Variants in SLC22A24 observed in about 807,000 individuals in gnomAD.
The protein encoded by SLC22A24 is steroid transmembrane transporter SLC22A24.
A neutral mutation model predicts 49.8 loss-of-function variants in SLC22A24; 53 were observed. The ratio of observed to expected loss-of-function variants is 1.06; its 90% CI spans 0.85 to 1.34. The LOEUF is 1.34. SLC22A24 is among the 40% of genes most tolerant of loss of function. The pLI, the probability that SLC22A24 is intolerant of heterozygous loss-of-function variation, is 0.00. For missense variants in SLC22A24, 786 were observed against 675.9 expected (o/e 1.16, Z -1.81); for synonymous variants, 302 against 256.4 (o/e 1.18, Z -1.70).
intron 2 of SLC22A24, among the ~76,000 whole-genome samples, chr11:63,134,320 G>A (rs1362222461): frequency 1.3e-5 from 2 of 152,114 alleles, no homozygotes; most frequent in Non-Finnish European, 2.9e-5. Context: ...AGCACCTCCT[G>A]CCTCAAACAC....
chr11:63,118,884 A>C, intron 4 of SLC22A24, 28 bp downstream of exon 4: 2 of 1,551,536 alleles, frequency 1.3e-6, no homozygotes, highest in South Asian at 2.4e-5. Context: ...CCTCGCTTAC[A>C]GGCAAAGAAT....
intron 4 of SLC22A24, among the ~76,000 whole-genome samples, chr11:63,105,263 G>T (rs764245905): frequency 6.6e-6 from 1 of 152,074 alleles, no homozygotes; most frequent in Non-Finnish European, 1.5e-5. Flanking sequence ...GCAAGCTGTT[G>T]GTGGATCTAC....
intron 4 of SLC22A24, chr11:63,118,625 G>A (rs1317697009): frequency 1.3e-5 from 7 of 555,320 alleles, no homozygotes; most frequent in East Asian, 8.5e-5. Context: ...TATTCCAAAA[G>A]TTAGATAAAT....
rs1204871103 is a variant in SLC22A24 at position 63,143,959 on chromosome 11, AC to A, written c.-181del. Reference sequence around the variant, plus strand: ...ACTACTGCAGAAGAGCAGTGGAAGGACTTTCCCCAAGTCCTTTAACTTTAGG... The same window carrying A: ...ACTACTGCAGAAGAGCAGTGGAAGGATTTCCCCAAGTCCTTTAACTTTAGG... On this transcript the variant is annotated 5_prime_UTR_variant, in exon 1 of 10. Coordinates refer to ENST00000612278, the MANE Select transcript of SLC22A24 (RefSeq NM_001136506.2). 61 of 433,888 alleles carry A rather than the reference AC, an allele frequency of 1.4e-4. No individual in the cohort carries two copies. In the East Asian group the frequency reaches 1.9e-3, roughly 13 times the overall value. 26.9% of individuals were successfully genotyped at this position (433,888 alleles called of 1,614,324 possible).
At chr11:63,141,403 C>A (rs867285814) in intron 1 of SLC22A24, among the ~76,000 whole-genome samples, 2 of 152,262 alleles carry the variant, frequency 1.3e-5, no homozygotes, top group South Asian at 2.1e-4. Flanking sequence ...GGAAAGCTAA[C>A]CCCCCTCCAT....
At chr11:63,080,520 C>T (rs906760817) in intron 9 of SLC22A24, among the ~76,000 whole-genome samples, 1 of 152,156 alleles carries the variant, frequency 6.6e-6, no homozygotes, top group African/African-American at 2.4e-5. Context: ...TTCCCTTTCC[C>T]ACCACATAAC....
At chr11:63,087,023 C>CAT (rs796415747) in intron 6 of SLC22A24, among the ~76,000 whole-genome samples, 393 of 26,422 alleles carry the variant, frequency 0.015, 2 homozygotes, top group African/African-American at 0.033. Flanking sequence ...GCCTGGAGGG[C>CAT]GCACACACAC....
chr11:63,080,562 C>T (rs546571739), intron 9 of SLC22A24, among the ~76,000 whole-genome samples: 2 of 152,252 alleles, frequency 1.3e-5, no homozygotes, highest in Admixed American at 6.5e-5. Flanking sequence ...GTGATAAAAC[C>T]AGGGGATGAG....
At chr11:63,125,461 T>C (rs2087283433) in intron 2 of SLC22A24, among the ~76,000 whole-genome samples, 1 of 152,190 alleles carries the variant, frequency 6.6e-6, no homozygotes, top group Non-Finnish European at 1.5e-5. Context: ...TCTAGCTTCA[T>C]CCATGTCTCT....
At chr11:63,090,906 C>G (rs559026485) in intron 6 of SLC22A24, among the ~76,000 whole-genome samples, 1 of 151,930 alleles carries the variant, frequency 6.6e-6, no homozygotes, top group African/African-American at 2.4e-5. Flanking sequence ...CAAAAGCTAG[C>G]AGAAGACAAG....
At chr11:63,092,391 G>GA (rs140073915) in intron 6 of SLC22A24, among the ~76,000 whole-genome samples, 71,730 of 144,524 alleles carry the variant, frequency 0.5, 18,176 homozygotes, top group East Asian at 0.54. Context: ...TGTAGAATTA[G>GA]AAAAAACTAG....
intron 2 of SLC22A24, among the ~76,000 whole-genome samples, chr11:63,124,140 C>T (rs2087271762): frequency 6.6e-6 from 1 of 152,076 alleles, no homozygotes; most frequent in Non-Finnish European, 1.5e-5. Context: ...TGATGGGAAC[C>T]AGCTTGATGT....
chr11:63,116,135 A>C, intron 4 of SLC22A24: 1 of 428,154 alleles, frequency 2.3e-6, no homozygotes, highest in Admixed American at 3.3e-5. Context: ...TAGCCTTGGC[A>C]TGTGCACTCA....
At chr11:63,106,880 G>A (rs1045001728) in intron 4 of SLC22A24, among the ~76,000 whole-genome samples, 2 of 152,082 alleles carry the variant, frequency 1.3e-5, no homozygotes, top group Non-Finnish European at 2.9e-5. Flanking sequence ...TTTTTAGGTT[G>A]CCTGTTCACT....
At chr11:63,139,501 T>C (rs2087399476) in intron 1 of SLC22A24, among the ~76,000 whole-genome samples, 1 of 152,164 alleles carries the variant, frequency 6.6e-6, no homozygotes, top group African/African-American at 2.4e-5. Context: ...GAGGAACACT[T>C]GACTCTTTGC....
chr11:63,095,686 A>C (rs1259397350), intron 6 of SLC22A24, among the ~76,000 whole-genome samples: 1 of 152,226 alleles, frequency 6.6e-6, no homozygotes, highest in Non-Finnish European at 1.5e-5. Context: ...TAGTGAATAA[A>C]AAATTAGAAA....
intron 1 of SLC22A24, among the ~76,000 whole-genome samples, chr11:63,135,232 TAGC>T (rs1360373235): frequency 6.6e-6 from 1 of 152,200 alleles, no homozygotes; most frequent in East Asian, 1.9e-4. Flanking sequence ...TGACTTCACT[TAGC>T]AGTCTATAAT....
chr11:63,087,044 A>G (rs1420766120), intron 6 of SLC22A24, among the ~76,000 whole-genome samples: 1 of 111,324 alleles, frequency 9.0e-6, no homozygotes, highest in African/African-American at 3.1e-5. Flanking sequence ...ACACACACAC[A>G]CACACACACA....
At chr11:63,105,327 G>T (rs890527050) in intron 4 of SLC22A24, among the ~76,000 whole-genome samples, 2 of 150,810 alleles carry the variant, frequency 1.3e-5, no homozygotes, top group African/African-American at 4.9e-5. Context: ...ACTCAGCAGT[G>T]TACCAGTGGG....
Sources: allele counts gnomAD v4.1 joint callset (sites outside exome capture counted in the v4.1 genomes callset), GRCh38; gene constraint gnomAD v4.1.1; transcripts MANE v1.5; gene names NCBI Gene and HGNC (gene_info 2026-07-23, HGNC 2026-07-21).